LRP1B: variants seen among roughly 807,000 people sequenced by gnomAD.
The protein encoded by LRP1B is low-density lipoprotein receptor-related protein 1B.
A neutral mutation model predicts 556.6 loss-of-function variants in LRP1B; 217 were observed. That is an observed-to-expected ratio of 0.39 (90% CI 0.35 to 0.44). The LOEUF (loss-of-function observed/expected upper bound fraction) is 0.44, where lower values mean the gene tolerates loss of function less well. Among genes scored for constraint, LRP1B ranks in the 20% least tolerant of loss-of-function variants. LRP1B has a pLI of 1.00. For synonymous variants in LRP1B, 2,047 were observed against 1,865.8 expected (o/e 1.10, Z -2.50); for missense variants, 5,053 against 5,620.8 (o/e 0.90, Z 3.23).
At chr2:140,800,744 A>AT (rs1331639201) in intron 32 of LRP1B, among the ~76,000 whole-genome samples, 1 of 151,982 alleles carries the variant, frequency 6.6e-6, no homozygotes, top group Non-Finnish European at 1.5e-5. Context: ...CCATTAAGCT[A>AT]TTTATTTTCT....
intron 49 of LRP1B, among the ~76,000 whole-genome samples, chr2:140,522,716 G>C (rs920477923): frequency 6.6e-6 from 1 of 151,634 alleles, no homozygotes; most frequent in Non-Finnish European, 1.5e-5. Flanking sequence ...AGCACAATCA[G>C]AAATGACAAA....
intron 1 of LRP1B, among the ~76,000 whole-genome samples, chr2:141,874,159 T>G (rs1315056618): frequency 1.3e-5 from 2 of 150,724 alleles, no homozygotes; most frequent in African/African-American, 4.9e-5. Flanking sequence ...GTTTATCTGA[T>G]TTCTGAATTT....
At position 141,699,074 on chromosome 2, in the gene LRP1B, A is replaced by C. The variant is rs190966860; in HGVS notation, c.205+111205T>G. ...CCTTCATCAGAATCCTATTTAACCCACAGGAATTGGGAAGAGGTTTCTCTG... is the reference window on the plus strand; with the variant it reads ...CCTTCATCAGAATCCTATTTAACCCCCAGGAATTGGGAAGAGGTTTCTCTG... On this transcript the variant is annotated intron_variant, in intron 2 of 90. Coordinates refer to ENST00000389484, the MANE Select transcript of LRP1B (RefSeq NM_018557.3). 9.5e-4 allele frequency among the ~76,000 whole-genome samples: 145 copies of C among 151,982 alleles called. 1 individual carries two copies. Among genetic ancestry groups the C allele is most frequent in the Non-Finnish European group, 7.4e-4 (50 of 67,880 alleles).
chr2:142,118,887 T>G (rs1200544224), intron 1 of LRP1B, among the ~76,000 whole-genome samples: 4 of 152,154 alleles, frequency 2.6e-5, no homozygotes, highest in African/African-American at 9.7e-5. Flanking sequence ...AAAATTTTGG[T>G]ATGTGTTTCA....
chr2:141,667,863 G>A (rs937286803), intron 2 of LRP1B, among the ~76,000 whole-genome samples: 2 of 152,156 alleles, frequency 1.3e-5, no homozygotes, highest in Non-Finnish European at 2.9e-5. Context: ...TTTATAGAAA[G>A]AATGGATGGA....
intron 2 of LRP1B, among the ~76,000 whole-genome samples, chr2:141,526,278 G>T (rs941654115): frequency 6.6e-6 from 1 of 151,884 alleles, no homozygotes; most frequent in African/African-American, 2.4e-5. Flanking sequence ...TTTAGCAGAC[G>T]GTGAGTTATG....
At chr2:140,244,759 T>C in intron 87 of LRP1B, among the ~76,000 whole-genome samples, 1 of 150,186 alleles carries the variant, frequency 6.7e-6, no homozygotes, top group East Asian at 1.9e-4. Context: ...TGATAGTAAT[T>C]AGGCAGACAG....
intron 1 of LRP1B, among the ~76,000 whole-genome samples, chr2:142,123,608 T>C (rs1351935727): frequency 4.0e-5 from 6 of 151,790 alleles, no homozygotes; most frequent in African/African-American, 1.4e-4. Flanking sequence ...AGATGAAATG[T>C]AATGTCGGTA....
chr2:140,396,620 C>G (rs764095174), intron 66 of LRP1B, among the ~76,000 whole-genome samples: 1 of 152,104 alleles, frequency 6.6e-6, no homozygotes, highest in East Asian at 1.9e-4. Flanking sequence ...AAGTTAATAT[C>G]TGGTAAAACA....
chr2:141,272,454 C>T (rs929057004), intron 3 of LRP1B, among the ~76,000 whole-genome samples: 2 of 151,878 alleles, frequency 1.3e-5, no homozygotes, highest in African/African-American at 4.8e-5. Context: ...AAATACCAAA[C>T]ATAAATTGGA....
intron 66 of LRP1B, among the ~76,000 whole-genome samples, chr2:140,428,651 C>T (rs187236270): frequency 1.8e-3 from 277 of 152,248 alleles, no homozygotes; most frequent in African/African-American, 6.5e-3. Flanking sequence ...TAGACCATCA[C>T]GGACGTCAAG....
intron 41 of LRP1B, among the ~76,000 whole-genome samples, chr2:140,618,573 C>T (rs1252867151): frequency 1.3e-5 from 2 of 152,026 alleles, no homozygotes; most frequent in African/African-American, 4.8e-5. Flanking sequence ...TCTCTTCATG[C>T]CATGCCAGAA....
intron 27 of LRP1B, among the ~76,000 whole-genome samples, chr2:140,853,575 G>T (rs989382580): frequency 2.0e-5 from 3 of 152,072 alleles, no homozygotes; most frequent in Non-Finnish European, 4.4e-5. Flanking sequence ...AAAGGTAGAG[G>T]ATATGAGAAA....
intron 41 of LRP1B, among the ~76,000 whole-genome samples, chr2:140,646,612 C>T (rs895367777): frequency 1.3e-5 from 2 of 151,794 alleles, no homozygotes; most frequent in African/African-American, 2.4e-5. Context: ...ACACATATAG[C>T]ATTCATATTT....
chr2:141,270,901 C>G (rs1685065107), intron 3 of LRP1B, among the ~76,000 whole-genome samples: 1 of 151,782 alleles, frequency 6.6e-6, no homozygotes, highest in African/African-American at 2.4e-5. Flanking sequence ...CTTAATACCA[C>G]TGAACTATAT....
intron 60 of LRP1B, among the ~76,000 whole-genome samples, chr2:140,468,473 T>C (rs1403165374): frequency 1.3e-5 from 2 of 152,106 alleles, no homozygotes; most frequent in African/African-American, 4.8e-5. Context: ...GTGTCCCTTA[T>C]AGGGCAATGC....
rs961527410 is a variant in LRP1B at position 140,497,098 on chromosome 2, A to G, written c.8851-1350T>C. On this transcript the variant is annotated intron_variant, in intron 55 of 90. Transcript: ENST00000389484. Reference sequence around the variant, plus strand: ...GGAGGAAAGCATCCAAGTAACATCAATTTCATCTGAAATTAATTAAAGGAT... The same window carrying G: ...GGAGGAAAGCATCCAAGTAACATCAGTTTCATCTGAAATTAATTAAAGGAT... Among the ~76,000 whole-genome samples, 7 of 151,928 alleles carry G rather than the reference A, an allele frequency of 4.6e-5. 1 individual carries two copies. The highest frequency in any genetic ancestry group is 1.0e-4 in the Non-Finnish European group (7 of 67,902).
At chr2:142,126,457 T>TG (rs1193372772) in intron 1 of LRP1B, among the ~76,000 whole-genome samples, 1 of 151,782 alleles carries the variant, frequency 6.6e-6, no homozygotes, top group East Asian at 1.9e-4. Flanking sequence ...AAAACGGGGT[T>TG]GGGGGCAATT....
intron 2 of LRP1B, among the ~76,000 whole-genome samples, chr2:141,575,993 A>G (rs938114973): frequency 6.6e-6 from 1 of 152,174 alleles, no homozygotes; most frequent in Non-Finnish European, 1.5e-5. Flanking sequence ...TGTTGGTGGG[A>G]ATGTAAATTC....
Sources: allele counts gnomAD v4.1 joint callset (sites outside exome capture counted in the v4.1 genomes callset), GRCh38; gene constraint gnomAD v4.1.1; transcripts MANE v1.5; gene names NCBI Gene and HGNC (gene_info 2026-07-23, HGNC 2026-07-21).